MARCHF10: variants seen among roughly 807,000 people sequenced by gnomAD.
The protein encoded by MARCHF10 is probable E3 ubiquitin-protein ligase MARCHF10.
MARCHF10 carries 64 observed loss-of-function variants against 76.2 expected under a neutral mutation model. That is an observed-to-expected ratio of 0.84 (90% CI 0.69 to 1.03). The LOEUF (loss-of-function observed/expected upper bound fraction) is 1.03. MARCHF10 is among the 50% of genes least tolerant of loss of function. The pLI is 0.00. For synonymous variants in MARCHF10, 340 were observed against 357.5 expected, an observed-to-expected ratio of 0.95 and a Z score of 0.55; for missense variants, 875 against 958.0, an observed-to-expected ratio of 0.91 and a Z score of 1.14.
At chr17:62,807,698 G>A (rs997799570) in intron 1 of MARCHF10, among the ~76,000 whole-genome samples, 1 of 152,044 alleles carries the variant, frequency 6.6e-6, no homozygotes, top group Non-Finnish European at 1.5e-5. Context: ...GGGAGGTCGA[G>A]GCTGCAGTGA....
intron 4 of MARCHF10, among the ~76,000 whole-genome samples, chr17:62,752,282 G>T (rs561977654): frequency 3.6e-4 from 55 of 152,126 alleles, no homozygotes; most frequent in African/African-American, 1.2e-3. Context: ...AGACATTCTT[G>T]CCATTTCAGC....
chr17:62,703,258 TTCC>T (rs1187176938), intron 10 of MARCHF10: 1 of 152,330 alleles, frequency 6.6e-6, no homozygotes, highest in Non-Finnish European at 1.5e-5. Context: ...TTTGCCTCTT[TTCC>T]TCCTGTGTAC....
intron 3 of MARCHF10, among the ~76,000 whole-genome samples, chr17:62,768,295 G>A (rs941747897): frequency 4.6e-5 from 7 of 152,270 alleles, no homozygotes; most frequent in African/African-American, 1.4e-4. Context: ...GAGGTGGGTG[G>A]ATCAAGAGGT....
At chr17:62,720,352 A>G (rs750302232) in intron 8 of MARCHF10, among the ~76,000 whole-genome samples, 2 of 152,190 alleles carry the variant, frequency 1.3e-5, no homozygotes, top group Non-Finnish European at 2.9e-5. Context: ...TTGAGACTCT[A>G]GGTCCCAGTC....
In MARCHF10 at chr17:62,765,126, C is replaced by A. The variant is rs374538131; in HGVS notation, c.211-5120G>T. Among the ~76,000 whole-genome samples, 21 of 152,074 alleles carry A rather than the reference C, an allele frequency of 1.4e-4. No individual in the cohort carries two copies. The East Asian group carries it at 1.9e-3, about 14-fold the overall frequency. ...CTTTGGGAGGCCAAGGCAGGCGGAT[C>A]ACTTGAGGCCAGGAGTTCAAGACCA... On this transcript the variant is annotated intron_variant, in intron 3 of 10. Transcript: ENST00000311269.
intron 3 of MARCHF10, among the ~76,000 whole-genome samples, chr17:62,778,586 C>T (rs1025338574): frequency 8.1e-5 from 12 of 148,292 alleles, no homozygotes; most frequent in African/African-American, 1.5e-4. Context: ...CAAAATTAGC[C>T]GGGCATCATG....
At chr17:62,805,989 C>G (rs775745341) in intron 1 of MARCHF10, among the ~76,000 whole-genome samples, 4 of 152,014 alleles carry the variant, frequency 2.6e-5, no homozygotes, top group Non-Finnish European at 5.9e-5. Flanking sequence ...CATAAACTCT[C>G]TATTACATTG....
intron 4 of MARCHF10, among the ~76,000 whole-genome samples, chr17:62,755,358 C>G (rs1188415686): frequency 1.3e-5 from 2 of 152,162 alleles, no homozygotes; most frequent in African/African-American, 4.8e-5. Context: ...TCCCACAGCA[C>G]AGTGGCCTCT....
intron 9 of MARCHF10, among the ~76,000 whole-genome samples, chr17:62,709,285 GC>G (rs2089779344): frequency 6.6e-6 from 1 of 152,126 alleles, no homozygotes; most frequent in Non-Finnish European, 1.5e-5. Context: ...TTCGAGACCA[GC>G]CTGACCAACA....
chr17:62,721,746 C>G (rs1027051466), intron 8 of MARCHF10, among the ~76,000 whole-genome samples: 9 of 152,176 alleles, frequency 5.9e-5, no homozygotes, highest in Admixed American at 5.9e-4. Flanking sequence ...GCATTTACCT[C>G]ATGTTCATTA....
chr17:62,729,587 T>A (rs1189649173), intron 6 of MARCHF10, among the ~76,000 whole-genome samples: 1 of 149,122 alleles, frequency 6.7e-6, no homozygotes, highest in African/African-American at 2.4e-5. Flanking sequence ...TAAATATATA[T>A]ATATTTTTAG....
At chr17:62,747,951 A>G (rs906102863) in intron 4 of MARCHF10, among the ~76,000 whole-genome samples, 2 of 152,204 alleles carry the variant, frequency 1.3e-5, no homozygotes, top group Admixed American at 1.3e-4. Context: ...GATTATTATA[A>G]TCTAATTTGG....
intron 8 of MARCHF10, among the ~76,000 whole-genome samples, chr17:62,717,793 C>A (rs1293180510): frequency 2.0e-5 from 3 of 152,224 alleles, no homozygotes; most frequent in African/African-American, 7.2e-5. Flanking sequence ...TCCCTCCTCC[C>A]TTCTGCGTTC....
intron 9 of MARCHF10, among the ~76,000 whole-genome samples, chr17:62,709,133 G>A (rs977800709): frequency 2.6e-5 from 4 of 152,134 alleles, no homozygotes; most frequent in Admixed American, 1.3e-4. Flanking sequence ...CCTCATCTCC[G>A]CACCTGGTAC....
At position 62,736,647 on chromosome 17, in the gene MARCHF10, G is replaced by A. The variant is rs777152212; in HGVS notation, c.1221C>T (p.Ser407=). ...TGACACCAACCTCTTGTCTGGGCTC[G>A]GATTTGGTGTCCCACGAAAGAGGGC... ...KKSPLSWDTK[S]EPRQEVGVNA... is the part of the protein sequence containing the mutation. Residue 407 remains serine (S), a synonymous_variant, in exon 6 of 11, where the codon TCC becomes TCT. Transcript: ENST00000311269. 14 of 1,614,006 alleles carry A rather than the reference G, an allele frequency of 8.7e-6. No individual in the cohort carries two copies. In the Admixed American group the frequency reaches 1.5e-4, roughly 17 times the overall value.
At chr17:62,788,811 C>T (rs911917045) in intron 2 of MARCHF10, among the ~76,000 whole-genome samples, 45 of 151,788 alleles carry the variant, frequency 3.0e-4, no homozygotes, top group Non-Finnish European at 6.0e-4. Context: ...CGCCTGTAAT[C>T]CCAGCACTTT....
chr17:62,705,436 G>A, intron 10 of MARCHF10, 103 bp downstream of exon 10: 2 of 1,606,074 alleles, frequency 1.2e-6, no homozygotes, highest in East Asian at 2.2e-5. Context: ...CCTCTGGGTG[G>A]TGGTCATTCC....
intron 3 of MARCHF10, among the ~76,000 whole-genome samples, chr17:62,785,763 G>T (rs1033973442): frequency 5.3e-5 from 8 of 152,134 alleles, no homozygotes; most frequent in African/African-American, 1.9e-4. Context: ...GCAGCCAACA[G>T]ACACATGAAA....
At chr17:62,747,797 C>T (rs564271102) in intron 4 of MARCHF10, among the ~76,000 whole-genome samples, 34 of 152,232 alleles carry the variant, frequency 2.2e-4, no homozygotes, top group African/African-American at 7.9e-4. Flanking sequence ...TTGATTCTCT[C>T]CCTCAATCCT....
Sources: gnomAD v4.1 joint callset for allele counts (sites outside exome capture counted in the v4.1 genomes callset) on GRCh38, gnomAD v4.1.1 for gene constraint, MANE v1.5 for transcripts, NCBI Gene and HGNC (gene_info 2026-07-23, HGNC 2026-07-21) for gene names.